ELOVL6: variants seen among roughly 807,000 people sequenced by gnomAD.
The protein encoded by ELOVL6 is very long chain fatty acid elongase 6.
A neutral mutation model predicts 31.7 loss-of-function variants in ELOVL6; 8 were observed. That is an observed-to-expected ratio of 0.25 (90% confidence interval 0.15 to 0.45). The LOEUF (loss-of-function observed/expected upper bound fraction) is 0.45, where lower values mean the gene tolerates loss of function less well. Among genes scored for constraint, ELOVL6 ranks in the 20% least tolerant of loss-of-function variants. The pLI is 1.00. For synonymous variants in ELOVL6, 101 were observed against 117.7 expected (o/e 0.86, Z 0.92); for missense variants, 126 against 326.4 (o/e 0.39, Z 4.73).
chr4:110,111,185 C>T (rs1020389938), intron 1 of ELOVL6, among the ~76,000 whole-genome samples: 1 of 152,160 alleles, frequency 6.6e-6, no homozygotes, highest in African/African-American at 2.4e-5. Context: ...TTTTTCCCCC[C>T]TTGTCACCTT....
intron 2 of ELOVL6, among the ~76,000 whole-genome samples, chr4:110,102,940 A>AGGGGGGGGGGGGGGGGGGG (rs1578482352): frequency 2.5e-4 from 1 of 3,944 alleles, no homozygotes. Flanking sequence ...GGGGGCGGGT[A>AGGGGGGGGGGGGGGGGGGG]GGGGGTGGGG....
intron 1 of ELOVL6, among the ~76,000 whole-genome samples, chr4:110,174,395 G>T (rs1465821920): frequency 6.6e-6 from 1 of 152,030 alleles, no homozygotes; most frequent in Non-Finnish European, 1.5e-5. Context: ...TGAACCCCCG[G>T]CCTCAAGTGA....
intron 1 of ELOVL6, among the ~76,000 whole-genome samples, chr4:110,174,583 G>C (rs913157722): frequency 1.3e-5 from 2 of 152,102 alleles, no homozygotes; most frequent in African/African-American, 4.8e-5. Flanking sequence ...AATCAGACTA[G>C]ACTTACCAAG....
At chr4:110,084,044 ACATGC>A (rs1231028747) in intron 2 of ELOVL6, among the ~76,000 whole-genome samples, 11 of 33,308 alleles carry the variant, frequency 3.3e-4, no homozygotes, top group South Asian at 2.6e-3. Flanking sequence ...GGTATATAAC[ACATGC>A]TATATATGAT....
intron 2 of ELOVL6, among the ~76,000 whole-genome samples, chr4:110,063,639 G>C (rs1755210804): frequency 2.0e-5 from 3 of 151,920 alleles, no homozygotes; most frequent in Admixed American, 2.0e-4. Context: ...AGATGATATA[G>C]ATTATTCTAA....
Position 110,105,514 on chromosome 4 carries a change from C to G in ELOVL6, c.204G>C (p.Leu68=), listed in dbSNP as rs552227471. The change falls in exon 2 of 4, where the codon CTG becomes CTC. Residue 68 remains leucine (L), a synonymous_variant. Coordinates refer to ENST00000302274, the MANE Select transcript of ELOVL6 (RefSeq NM_024090.3). ...ELRKPLVLWS[L]TLAVFSIFGA... ...AAACCTACCTGAAGACTGCAAGGGT[C>G]AGAGACCAGAGCACTAATGGCTTCC... The G allele has an allele frequency of 6.2e-6, 10 of 1,613,300 alleles. No homozygotes were observed. Among genetic ancestry groups the G allele is most frequent in the Non-Finnish European group, 1.7e-6 (2 of 1,179,626 alleles).
intron 1 of ELOVL6, among the ~76,000 whole-genome samples, chr4:110,188,889 C>CA (rs368964781): frequency 0.11 from 12,308 of 107,728 alleles, 584 homozygotes; most frequent in African/African-American, 0.15. Context: ...AACTCGGTCT[C>CA]AAAAAAAAAA....
chr4:110,186,667 G>A, intron 1 of ELOVL6, among the ~76,000 whole-genome samples: 1 of 147,868 alleles, frequency 6.8e-6, no homozygotes, highest in South Asian at 2.1e-4. Context: ...AGTCGGGCAT[G>A]GTGGCACGTG....
At chr4:110,102,255 G>A (rs887813387) in intron 2 of ELOVL6, among the ~76,000 whole-genome samples, 20 of 152,142 alleles carry the variant, frequency 1.3e-4, no homozygotes, top group African/African-American at 4.1e-4. Context: ...TCTGAAGAAA[G>A]TAAAATAACA....
chr4:110,142,280 C>G (rs900037953), intron 1 of ELOVL6, among the ~76,000 whole-genome samples: 2 of 151,788 alleles, frequency 1.3e-5, no homozygotes, highest in African/African-American at 4.8e-5. Context: ...CTCCTGACCT[C>G]ATGATCCATC....
Position 110,198,361 on chromosome 4 carries a change from G to C in ELOVL6, c.-26C>G, listed in dbSNP as rs1759882347. On this transcript the variant is annotated 5_prime_UTR_variant, in exon 1 of 4. Transcript: ENST00000302274. ...TGGGGCTGATCTTCGGAGTCGCTAC[G>C]TGTTCTCTATACAAAATAAAATAAT... 2 of 1,358,874 alleles carry C rather than the reference G, an allele frequency of 1.5e-6. No individual in the cohort carries two copies. Among genetic ancestry groups the C allele is most frequent in the Non-Finnish European group, 2.1e-6 (2 of 951,990 alleles). 84.2% of individuals were successfully genotyped at this position (1,358,874 alleles called of 1,614,324 possible).
At chr4:110,077,966 A>T (rs1239823504) in intron 2 of ELOVL6, among the ~76,000 whole-genome samples, 1 of 152,244 alleles carries the variant, frequency 6.6e-6, no homozygotes, top group Non-Finnish European at 1.5e-5. Context: ...AGCCAATTTG[A>T]TCAACTGGAA....
intron 2 of ELOVL6, among the ~76,000 whole-genome samples, chr4:110,098,237 T>A (rs1170753474): frequency 6.6e-6 from 1 of 152,154 alleles, no homozygotes; most frequent in African/African-American, 2.4e-5. Flanking sequence ...TCATTCTAAC[T>A]ATAAACCGAT....
intron 1 of ELOVL6, among the ~76,000 whole-genome samples, chr4:110,158,635 G>GTATGTATATATATATATA (rs1553961433): frequency 1.2e-5 from 1 of 81,574 alleles, no homozygotes; most frequent in Non-Finnish European, 2.1e-5. Flanking sequence ...ATATACACGT[G>GTATGTATATATATATATA]TATATATATA....
intron 1 of ELOVL6, among the ~76,000 whole-genome samples, chr4:110,180,059 T>G (rs1192297092): frequency 2.0e-5 from 3 of 152,234 alleles, no homozygotes; most frequent in Admixed American, 6.5e-5. Context: ...CTCTTAGGTC[T>G]CTGAGGATGA....
chr4:110,085,777 G>A (rs1297991939), intron 2 of ELOVL6, among the ~76,000 whole-genome samples: 3 of 152,148 alleles, frequency 2.0e-5, no homozygotes, highest in Admixed American at 6.5e-5. Context: ...GCAGTGGTGT[G>A]ATCTTGGCTC....
intron 1 of ELOVL6, among the ~76,000 whole-genome samples, chr4:110,189,385 G>A (rs1366392723): frequency 3.3e-5 from 5 of 150,780 alleles, no homozygotes; most frequent in African/African-American, 1.2e-4. Flanking sequence ...CCAGGAGTTC[G>A]AGACCAGCCT....
intron 2 of ELOVL6, among the ~76,000 whole-genome samples, chr4:110,095,498 A>C (rs952616656): frequency 1.3e-5 from 2 of 150,666 alleles, no homozygotes; most frequent in Non-Finnish European, 3.0e-5. Context: ...AAAAAAAAAA[A>C]GGCATGAAAT....
intron 1 of ELOVL6, among the ~76,000 whole-genome samples, chr4:110,174,791 G>A (rs1455380765): frequency 1.3e-5 from 2 of 152,024 alleles, no homozygotes; most frequent in African/African-American, 4.8e-5. Flanking sequence ...TTTTACTTTT[G>A]CTTCAAAGTT....
Sources: allele counts gnomAD v4.1 joint callset (sites outside exome capture counted in the v4.1 genomes callset), GRCh38; gene constraint gnomAD v4.1.1; transcripts MANE v1.5; gene names NCBI Gene and HGNC (gene_info 2026-07-23, HGNC 2026-07-21).